PRDM5: variants seen among roughly 807,000 people sequenced by gnomAD.
The protein encoded by PRDM5 is PR domain zinc finger protein 5.
In PRDM5, 56 loss-of-function variants were observed where a neutral mutation model predicts 81.2. The observed-to-expected ratio is 0.69, with a 90% CI of 0.56 to 0.86. The LOEUF (loss-of-function observed/expected upper bound fraction) is 0.86. Ranked by LOEUF, PRDM5 falls within the 40% of genes least tolerant of loss-of-function variation. The probability of loss-of-function intolerance (pLI) is 0.00; values close to 1 mark genes in which losing one functional copy is unlikely to be tolerated. For synonymous variants in PRDM5, 267 were observed against 256.4 expected (o/e 1.04, Z -0.39); for missense variants, 697 against 770.1 (o/e 0.91, Z 1.12).
In PRDM5 at chr4:120,911,596, T is replaced by G. The variant is rs527400242; in HGVS notation, c.94-4039A>C. Among the ~76,000 whole-genome samples the G allele has an allele frequency of 8.7e-4, 132 of 152,338 alleles. 1 individual carries two copies. Among genetic ancestry groups the G allele is most frequent in the African/African-American group, 3.1e-3 (127 of 41,588 alleles). The stretch of plus-strand genomic sequence containing the variant: ...CTCTCATTTTGCTGAATGTTATTAG[T>G]GAGAAGTTAAAAACAAGATTCACTG... On this transcript the variant is annotated intron_variant, in intron 1 of 15. Coordinates refer to ENST00000264808, the MANE Select transcript of PRDM5 (RefSeq NM_018699.4).
intron 2 of PRDM5, among the ~76,000 whole-genome samples, chr4:120,906,076 A>G (rs1765762186): frequency 6.6e-6 from 1 of 152,010 alleles, no homozygotes; most frequent in Non-Finnish European, 1.5e-5. Context: ...GGCTCAGGCA[A>G]TCCTCCCACC....
At chr4:120,859,291 G>C (rs115075954) in intron 2 of PRDM5, among the ~76,000 whole-genome samples, 2,211 of 151,542 alleles carry the variant, frequency 0.015, 17 homozygotes, top group Non-Finnish European at 0.023. Flanking sequence ...GCTCACTGCA[G>C]CCTCAACTTC....
intron 3 of PRDM5, 95 bp downstream of exon 3, chr4:120,853,323 T>A (rs763708284): frequency 1.9e-6 from 3 of 1,557,518 alleles, no homozygotes. Context: ...TTGAAGGAGG[T>A]CATTGGGAAA....
chr4:120,819,443 A>C (rs1004588068), intron 4 of PRDM5, among the ~76,000 whole-genome samples: 8 of 84,044 alleles, frequency 9.5e-5, no homozygotes, highest in African/African-American at 2.4e-4. Context: ...TAGCCATGGC[A>C]CATGGCACAT....
At chr4:120,832,255 G>A (rs966049995) in intron 3 of PRDM5, among the ~76,000 whole-genome samples, 1 of 152,078 alleles carries the variant, frequency 6.6e-6, no homozygotes, top group South Asian at 2.1e-4. Flanking sequence ...GGGCAGGGGA[G>A]ATAACTAGTG....
At chr4:120,864,532 TC>T (rs1036631764) in intron 2 of PRDM5, among the ~76,000 whole-genome samples, 1 of 152,144 alleles carries the variant, frequency 6.6e-6, no homozygotes, top group Non-Finnish European at 1.5e-5. Flanking sequence ...TAAATCCTCT[TC>T]CCACACATCC....
intron 2 of PRDM5, among the ~76,000 whole-genome samples, chr4:120,874,776 G>C (rs550014558): frequency 6.6e-6 from 1 of 152,266 alleles, no homozygotes; most frequent in South Asian, 2.1e-4. Context: ...TGATACTGTG[G>C]GTATACTGAG....
At chr4:120,719,634 C>G (rs1035282130) in intron 14 of PRDM5, among the ~76,000 whole-genome samples, 1 of 151,976 alleles carries the variant, frequency 6.6e-6, no homozygotes, top group Non-Finnish European at 1.5e-5. Flanking sequence ...ACACTTACAC[C>G]TTGAATTAGA....
chr4:120,776,761 C>A (rs1302060482), intron 13 of PRDM5, among the ~76,000 whole-genome samples: 1 of 152,104 alleles, frequency 6.6e-6, no homozygotes, highest in African/African-American at 2.4e-5. Context: ...ATTCACATCA[C>A]CCACTCTGGT....
chr4:120,846,833 G>A (rs1758704693), intron 3 of PRDM5, among the ~76,000 whole-genome samples: 1 of 152,062 alleles, frequency 6.6e-6, no homozygotes, highest in Non-Finnish European at 1.5e-5. Context: ...TTTAGTCATA[G>A]TATCTCCAGT....
intron 1 of PRDM5, among the ~76,000 whole-genome samples, chr4:120,915,724 C>T (rs1416243353): frequency 6.6e-6 from 1 of 152,180 alleles, no homozygotes; most frequent in East Asian, 1.9e-4. Context: ...ACTCCTACCA[C>T]TGGGGAAGGG....
intron 14 of PRDM5, among the ~76,000 whole-genome samples, chr4:120,717,679 C>T (rs1258613032): frequency 1.3e-5 from 2 of 152,072 alleles, no homozygotes; most frequent in Admixed American, 6.5e-5. Flanking sequence ...GGTATGACCC[C>T]ATCAGACAGG....
At chr4:120,798,804 G>C (rs1358817301) in intron 9 of PRDM5, among the ~76,000 whole-genome samples, 1 of 152,128 alleles carries the variant, frequency 6.6e-6, no homozygotes, top group Non-Finnish European at 1.5e-5. Context: ...TTCCCCCAGG[G>C]CCACAAAGGC....
chr4:120,911,655 C>G (rs866080455), intron 1 of PRDM5, among the ~76,000 whole-genome samples: 1 of 152,166 alleles, frequency 6.6e-6, no homozygotes, highest in East Asian at 1.9e-4. Flanking sequence ...GGGAAAAGCA[C>G]TATCTTCTAA....
intron 10 of PRDM5, among the ~76,000 whole-genome samples, chr4:120,794,658 C>T (rs1751090554): frequency 6.7e-6 from 1 of 148,902 alleles, no homozygotes; most frequent in Non-Finnish European, 1.5e-5. Flanking sequence ...GAGTTTCGCT[C>T]TGTTGCTCAG....
intron 15 of PRDM5, among the ~76,000 whole-genome samples, chr4:120,699,161 A>AATATAAATATATAT (rs1286927101): frequency 2.2e-4 from 16 of 73,458 alleles, no homozygotes; most frequent in East Asian, 1.3e-3. Flanking sequence ...AGGAAATATA[A>AATATAAATATATAT]ATATATATAT....
At chr4:120,835,638 T>TC (rs1757259997) in intron 3 of PRDM5, among the ~76,000 whole-genome samples, 1 of 152,170 alleles carries the variant, frequency 6.6e-6, no homozygotes, top group African/African-American at 2.4e-5. Context: ...GACTTGCTCC[T>TC]CCTTGCCTTC....
intron 3 of PRDM5, among the ~76,000 whole-genome samples, chr4:120,821,851 T>G (rs779080288): frequency 4.0e-5 from 6 of 151,326 alleles, no homozygotes; most frequent in Non-Finnish European, 5.9e-5. Flanking sequence ...GAAAAAATAC[T>G]AGACATCTGG....
intron 3 of PRDM5, among the ~76,000 whole-genome samples, chr4:120,844,482 GTC>G (rs1383325556): frequency 6.6e-6 from 1 of 152,062 alleles, no homozygotes; most frequent in Non-Finnish European, 1.5e-5. Context: ...TTATTATTGT[GTC>G]TGTTAGGATA....
Sources: gnomAD v4.1 joint callset for allele counts (sites outside exome capture counted in the v4.1 genomes callset) on GRCh38, gnomAD v4.1.1 for gene constraint, MANE v1.5 for transcripts, NCBI Gene and HGNC (gene_info 2026-07-23, HGNC 2026-07-21) for gene names.